The following PPCDC variants were observed in gnomAD, a reference collection of about 807,000 sequenced individuals.
The protein encoded by PPCDC is phosphopantothenoylcysteine decarboxylase.
In PPCDC, 20 loss-of-function variants were observed where a neutral mutation model predicts 20.7. The ratio of observed to expected loss-of-function variants is 0.97; its 90% CI spans 0.68 to 1.41. PPCDC has a LOEUF of 1.41. Ranked by LOEUF, PPCDC falls within the 40% of genes most tolerant of loss-of-function variation. The pLI is 0.00. For synonymous variants in PPCDC, 88 were observed against 100.3 expected, an observed-to-expected ratio of 0.88 and a Z score of 0.73; for missense variants, 246 against 263.8, an observed-to-expected ratio of 0.93 and a Z score of 0.47.
intron 4 of PPCDC, 54 bp downstream of exon 4, chr15:75,044,568 TG>T (rs1008135493): frequency 1.6e-5 from 26 of 1,585,624 alleles, no homozygotes; most frequent in Non-Finnish European, 2.2e-5. Context: ...CCCAGTTTGC[TG>T]AGCTGCAGAC....
At chr15:75,025,688 TC>T (rs998806878) in intron 1 of PPCDC, among the ~76,000 whole-genome samples, 15 of 152,164 alleles carry the variant, frequency 9.9e-5, no homozygotes, top group African/African-American at 3.4e-4. Context: ...GCTCAGGAGT[TC>T]CTGTGAATTC....
intron 1 of PPCDC, 159 bp from the exon 2 acceptor site, chr15:75,028,088 G>A: frequency 3.6e-6 from 2 of 548,540 alleles, no homozygotes; most frequent in Admixed American, 3.3e-5. Context: ...CATGTGTGGG[G>A]AAGGTGTCTC....
At chr15:75,043,661 C>T in intron 3 of PPCDC, 125 bp downstream of exon 3, 1 of 827,268 alleles carries the variant, frequency 1.2e-6, no homozygotes, top group Non-Finnish European at 1.9e-6. Flanking sequence ...GTGGTCAGGG[C>T]CCTCTGGGCA....
At chr15:75,037,936 A>G (rs2066105837) in intron 2 of PPCDC, among the ~76,000 whole-genome samples, 1 of 152,194 alleles carries the variant, frequency 6.6e-6, no homozygotes, top group African/African-American at 2.4e-5. Context: ...GGAAACGTCA[A>G]AGGGGCCAGG....
rs141086902 is a variant in PPCDC at position 75,031,505 on chromosome 15, G to A, written c.135+3052G>A. 5.2e-3 allele frequency among the ~76,000 whole-genome samples: 794 copies of A among 152,124 alleles called. 8 individuals carry two copies. Among genetic ancestry groups the A allele is most frequent in the African/African-American group, 0.018 (741 of 41,480 alleles). On this transcript the variant is annotated intron_variant, in intron 2 of 5. Coordinates refer to ENST00000342932, the MANE Select transcript of PPCDC (RefSeq NM_021823.5). ...CGGGCGGATCACTTGAGGCCAGTTCGAGACCACCCTAGCCAACATGGTAAA... is the reference window on the plus strand; with the variant it reads ...CGGGCGGATCACTTGAGGCCAGTTCAAGACCACCCTAGCCAACATGGTAAA...
Position 75,028,241 on chromosome 15 carries a change from T to C in PPCDC, c.-72-6T>C. The C allele has an allele frequency of 1.3e-6, 2 of 1,559,914 alleles. No individual in the cohort carries two copies. The highest frequency in any genetic ancestry group is 8.7e-7 in the Non-Finnish European group (1 of 1,153,834). On this transcript the variant is annotated splice_region_variant and splice_polypyrimidine_tract_variant and intron_variant, in intron 1 of 5. Transcript: ENST00000342932. Reference sequence around the variant, plus strand: ...ATGAAGGGGGTGGCCCTTGTTCTCCTTTTAGATCCTAAATCCCGACAGCTT... The same window carrying C: ...ATGAAGGGGGTGGCCCTTGTTCTCCCTTTAGATCCTAAATCCCGACAGCTT...
At position 75,028,489 on chromosome 15, in the gene PPCDC, G is replaced by A. The variant is rs752614402; in HGVS notation, c.135+36G>A. ...TCACCAGATAAGCATGGCAGCCTCC[G>A]GCATGGGAGGCCGGTGCTCCCGGGG... is the stretch of plus-strand genomic sequence containing the variant. On this transcript the variant is annotated intron_variant, in intron 2 of 5. Transcript: ENST00000342932. 9.9e-6 allele frequency: 16 copies of A among 1,612,974 alleles called. No homozygotes were observed. The East Asian group carries it at 1.1e-4, about 11-fold the overall frequency.
intron 1 of PPCDC, among the ~76,000 whole-genome samples, chr15:75,027,940 ACT>A (rs1673614105): frequency 6.6e-6 from 1 of 152,054 alleles, no homozygotes; most frequent in African/African-American, 2.4e-5. Flanking sequence ...TGAAAAACTA[ACT>A]CATCCTTCAG....
intron 4 of PPCDC, 142 bp from the exon 5 acceptor site, chr15:75,048,411 G>C (rs1276259667): frequency 2.7e-6 from 3 of 1,125,582 alleles, no homozygotes; most frequent in Non-Finnish European, 3.7e-6. Flanking sequence ...CCACCCCTGA[G>C]GGATGAGACA....
intron 2 of PPCDC, among the ~76,000 whole-genome samples, chr15:75,036,763 G>A (rs574873019): frequency 5.3e-5 from 8 of 152,276 alleles, no homozygotes; most frequent in East Asian, 1.9e-4. Context: ...AGAGGGAGGC[G>A]AGAACCCCTG....
chr15:75,025,736 G>C (rs565463396), intron 1 of PPCDC, among the ~76,000 whole-genome samples: 1 of 152,302 alleles, frequency 6.6e-6, no homozygotes, highest in Non-Finnish European at 1.5e-5. Flanking sequence ...ACAGCTACCT[G>C]TGCAAATAGG....
At chr15:75,043,197 C>G in intron 2 of PPCDC, 1 of 436,902 alleles carries the variant, frequency 2.3e-6, no homozygotes, top group Non-Finnish European at 4.1e-6. Flanking sequence ...CAGTTGGTGA[C>G]TCATTCCTCA....
chr15:75,048,727 T>A lies in PPCDC; in HGVS notation c.529+6T>A, dbSNP rs377388841. Reference sequence around the variant, plus strand: ...GCTGGTGTGCGGAGATGAAGGTGGGTGTCTTGCCAGGCTTATAGCCCAGGG... The same window carrying A: ...GCTGGTGTGCGGAGATGAAGGTGGGAGTCTTGCCAGGCTTATAGCCCAGGG... On this transcript the variant is annotated splice_donor_region_variant and intron_variant, in intron 5 of 5. Coordinates refer to ENST00000342932, the MANE Select transcript of PPCDC (RefSeq NM_021823.5). 22 of 1,613,474 alleles carry A rather than the reference T, an allele frequency of 1.4e-5. No homozygotes were observed. Among genetic ancestry groups the A allele is most frequent in the East Asian group, 1.3e-4 (6 of 44,894 alleles).
intron 1 of PPCDC, 35 bp from the exon 2 acceptor site, chr15:75,028,212 A>G (rs2065979582): frequency 6.9e-6 from 10 of 1,441,876 alleles, no homozygotes; most frequent in Middle Eastern, 1.9e-4. Context: ...GGTCGACTGT[A>G]TGAATGAAGG....
Position 75,028,378 on chromosome 15 carries a change from T to C in PPCDC, c.60T>C (p.Val20=). The change falls in exon 2 of 6, where the codon GTT becomes GTC. Residue 20 remains valine (V), a synonymous_variant. Coordinates refer to ENST00000342932, the MANE Select transcript of PPCDC (RefSeq NM_021823.5). ...AAPLMERKFH[V]LVGVTGSVAA... is the part of the protein sequence containing the mutation. ...CCTTGATGGAGAGAAAATTCCATGT[T>C]CTTGTGGGTGTCACGGGGAGTGTCG... is the stretch of plus-strand genomic sequence containing the variant. The C allele has an allele frequency of 6.2e-7, 1 of 1,614,176 alleles. No individual in the cohort carries two copies. The highest frequency in any genetic ancestry group is 1.1e-5 in the South Asian group (1 of 91,080).
intron 1 of PPCDC, among the ~76,000 whole-genome samples, chr15:75,025,358 C>G (rs1264095358): frequency 4.6e-5 from 7 of 152,222 alleles, no homozygotes; most frequent in Non-Finnish European, 7.3e-5. Flanking sequence ...CTGTATTGAG[C>G]TTGAACGTAT....
At chr15:75,029,873 C>T (rs1411957704) in intron 2 of PPCDC, among the ~76,000 whole-genome samples, 2 of 152,080 alleles carry the variant, frequency 1.3e-5, no homozygotes, top group Non-Finnish European at 2.9e-5. Flanking sequence ...TGGATAGGGG[C>T]GGGGAGTCCT....
chr15:75,042,075 T>G (rs537513294), intron 2 of PPCDC, among the ~76,000 whole-genome samples: 25 of 152,366 alleles, frequency 1.6e-4, no homozygotes, highest in Admixed American at 6.5e-5. Context: ...ATCTTCCAAC[T>G]TGGACATGTT....
chr15:75,026,767 G>C (rs567462003), intron 1 of PPCDC, among the ~76,000 whole-genome samples: 1 of 152,164 alleles, frequency 6.6e-6, no homozygotes, highest in South Asian at 2.1e-4. Context: ...TGTCTTGGAA[G>C]GAGAGCCCCT....
Sources: gnomAD v4.1 joint callset for allele counts (sites outside exome capture counted in the v4.1 genomes callset) on GRCh38, gnomAD v4.1.1 for gene constraint, MANE v1.5 for transcripts, NCBI Gene and HGNC (gene_info 2026-07-23, HGNC 2026-07-21) for gene names.